LINGO2: variants seen among roughly 807,000 people sequenced by gnomAD.
LINGO2 encodes the protein leucine-rich repeat and immunoglobulin-like domain-containing nogo receptor-interacting protein 2.
Under a neutral mutation model 30.6 loss-of-function variants are expected in LINGO2, and 14 were observed. The ratio of observed to expected loss-of-function variants is 0.46; its 90% confidence interval spans 0.30 to 0.72. The LOEUF (loss-of-function observed/expected upper bound fraction) is 0.72. Ranked by LOEUF, LINGO2 falls within the 30% of genes least tolerant of loss-of-function variation. The pLI is 0.07. For missense variants in LINGO2, 729 were observed against 751.7 expected, an observed-to-expected ratio of 0.97 and a Z score of 0.35; for synonymous variants, 317 against 288.5, an observed-to-expected ratio of 1.10 and a Z score of -1.00.
the LINGO2 span, among the ~76,000 whole-genome samples, chr9:28,779,720 A>T: frequency 6.6e-6 from 1 of 152,126 alleles, no homozygotes; most frequent in Non-Finnish European, 1.5e-5. Flanking sequence ...GCTTTTTCTT[A>T]AATTGCACAG....
At chr9:29,078,677 G>C in the LINGO2 span, among the ~76,000 whole-genome samples, 1 of 151,896 alleles carries the variant, frequency 6.6e-6, no homozygotes, top group African/African-American at 2.4e-5. Flanking sequence ...CCAAGTGCTT[G>C]TCAAATCAAA....
chr9:28,240,471 A>G (rs1463060723), intron 4 of LINGO2, among the ~76,000 whole-genome samples: 1 of 152,174 alleles, frequency 6.6e-6, no homozygotes, highest in Non-Finnish European at 1.5e-5. Context: ...CAGAGTAGAG[A>G]ACCCAGAAAT....
At chr9:28,480,536 G>C (rs1282675764) in intron 1 of LINGO2, among the ~76,000 whole-genome samples, 5 of 152,034 alleles carry the variant, frequency 3.3e-5, no homozygotes, top group Non-Finnish European at 7.4e-5. Context: ...AGATTGAAGT[G>C]TTTGTTTGTT....
the LINGO2 span, among the ~76,000 whole-genome samples, chr9:29,202,786 G>A: frequency 3.8e-3 from 576 of 152,052 alleles, 3 homozygotes; most frequent in African/African-American, 0.013. Flanking sequence ...TAATCTCTCT[G>A]TAAAACCCAC....
At chr9:28,592,012 A>C (rs1824937384) in intron 1 of LINGO2, among the ~76,000 whole-genome samples, 1 of 152,084 alleles carries the variant, frequency 6.6e-6, no homozygotes, top group African/African-American at 2.4e-5. Flanking sequence ...CTAAAGAAGA[A>C]GGTCTCCATT....
chr9:28,926,681 G>T, the LINGO2 span, among the ~76,000 whole-genome samples: 1 of 152,098 alleles, frequency 6.6e-6, no homozygotes, highest in Admixed American at 6.5e-5. Flanking sequence ...TAATGTGTAC[G>T]TAAGTTACTG....
chr9:28,582,932 G>T (rs1824333084), intron 1 of LINGO2, among the ~76,000 whole-genome samples: 1 of 151,866 alleles, frequency 6.6e-6, no homozygotes, highest in Non-Finnish European at 1.5e-5. Flanking sequence ...TCCTCTAGTT[G>T]TTAGTATTAT....
intron 2 of LINGO2, among the ~76,000 whole-genome samples, chr9:28,382,446 A>G (rs1821392447): frequency 6.6e-6 from 1 of 152,244 alleles, no homozygotes; most frequent in African/African-American, 2.4e-5. Context: ...GTGGACCATT[A>G]CTAGGTGCTC....
chr9:28,968,645 T>C, the LINGO2 span, among the ~76,000 whole-genome samples: 1 of 152,148 alleles, frequency 6.6e-6, no homozygotes, highest in South Asian at 2.1e-4. Flanking sequence ...ACCTCTGTGT[T>C]CCAATATAAA....
At chr9:29,115,500 T>C in the LINGO2 span, among the ~76,000 whole-genome samples, 3 of 151,956 alleles carry the variant, frequency 2.0e-5, no homozygotes, top group African/African-American at 7.2e-5. Context: ...CATAATGTGG[T>C]GTCTCCCATA....
chr9:28,404,439 G>A (rs1008857178), intron 2 of LINGO2, among the ~76,000 whole-genome samples: 14 of 152,142 alleles, frequency 9.2e-5, no homozygotes, highest in African/African-American at 3.4e-4. Flanking sequence ...AAAACTGAAA[G>A]TCTCATAGAT....
chr9:28,111,886 A>G (rs1587008456), intron 4 of LINGO2, among the ~76,000 whole-genome samples: 1 of 152,116 alleles, frequency 6.6e-6, no homozygotes, highest in Non-Finnish European at 1.5e-5. Flanking sequence ...CTTAGATGAT[A>G]GAATAAATGT....
intron 2 of LINGO2, among the ~76,000 whole-genome samples, chr9:28,432,550 T>C (rs1036035078): frequency 2.6e-5 from 4 of 152,048 alleles, no homozygotes; most frequent in African/African-American, 4.8e-5. Flanking sequence ...CTATTAACTG[T>C]GATTGATTTT....
the LINGO2 span, among the ~76,000 whole-genome samples, chr9:28,942,132 G>C: frequency 6.6e-6 from 1 of 152,136 alleles, no homozygotes; most frequent in Non-Finnish European, 1.5e-5. Context: ...TAAAGTGAAA[G>C]AGGAGCTATT....
chr9:28,769,191 C>T, the LINGO2 span, among the ~76,000 whole-genome samples: 1 of 151,138 alleles, frequency 6.6e-6, no homozygotes, highest in Non-Finnish European at 1.5e-5. Context: ...CTCCCTGTAA[C>T]CCTTATTTAA....
At chr9:28,036,159 T>G (rs775338374) in intron 4 of LINGO2, among the ~76,000 whole-genome samples, 2 of 152,176 alleles carry the variant, frequency 1.3e-5, no homozygotes, top group African/African-American at 2.4e-5. Flanking sequence ...CATCACATAT[T>G]AAGGACTGTT....
chr9:28,615,891 T>TA (rs966610030), intron 1 of LINGO2, among the ~76,000 whole-genome samples: 1 of 151,862 alleles, frequency 6.6e-6, no homozygotes, highest in Non-Finnish European at 1.5e-5. Context: ...AACAGGAGAG[T>TA]AAAAAAAGCA....
chr9:28,053,708 A>G (rs1210132769), intron 4 of LINGO2, among the ~76,000 whole-genome samples: 1 of 152,130 alleles, frequency 6.6e-6, no homozygotes, highest in Non-Finnish European at 1.5e-5. Flanking sequence ...AAATCTTGAT[A>G]TAATAGGTCT....
intron 3 of LINGO2, among the ~76,000 whole-genome samples, chr9:28,311,591 A>G (rs536236979): frequency 4.6e-5 from 7 of 152,238 alleles, no homozygotes; most frequent in African/African-American, 1.4e-4. Flanking sequence ...TATTTCTCCC[A>G]TTTGCTTTTG....
Sources: gnomAD v4.1 joint callset for allele counts (sites outside exome capture counted in the v4.1 genomes callset) on GRCh38, gnomAD v4.1.1 for gene constraint, MANE v1.5 for transcripts, NCBI Gene and HGNC (gene_info 2026-07-23, HGNC 2026-07-21) for gene names.